ASAP1: variants seen among roughly 807,000 people sequenced by gnomAD.
ASAP1 encodes ArfGAP with SH3 domain, ankyrin repeat and PH domain 1.
A neutral mutation model predicts 145.2 loss-of-function variants in ASAP1; 43 were observed. The observed-to-expected ratio is 0.30, with a 90% CI of 0.23 to 0.38. ASAP1 has a LOEUF of 0.38. ASAP1 is among the 10% of genes least tolerant of loss of function. The probability of loss-of-function intolerance (pLI) is 1.00; values close to 1 mark genes in which losing one functional copy is unlikely to be tolerated. For missense variants in ASAP1, 1,018 were observed against 1,355.3 expected (o/e 0.75, Z 3.91); for synonymous variants, 546 against 515.5 (o/e 1.06, Z -0.80).
Position 130,060,572 on chromosome 8 carries a change from C to T in ASAP1, c.3192+7G>A. ...GTTCCTAAGGGCCTGAACATTGTCC[C>T]ACCCACCGTATTGATTTTTCTGGGC... On this transcript the variant is annotated splice_region_variant and intron_variant, in intron 28 of 29. Transcript: ENST00000518721. 1.2e-6 allele frequency: 2 copies of T among 1,601,780 alleles called. No individual in the cohort carries two copies. Among genetic ancestry groups the T allele is most frequent in the Non-Finnish European group, 1.7e-6 (2 of 1,173,610 alleles).
At chr8:130,264,758 C>G (rs187212096) in intron 3 of ASAP1, among the ~76,000 whole-genome samples, 2 of 152,096 alleles carry the variant, frequency 1.3e-5, no homozygotes, top group Non-Finnish European at 2.9e-5. Flanking sequence ...AGAAACATGC[C>G]GGGTGACAGT....
chr8:130,357,254 TCTGA>T (rs1024926748), intron 3 of ASAP1, among the ~76,000 whole-genome samples: 8 of 151,932 alleles, frequency 5.3e-5, no homozygotes, highest in African/African-American at 1.7e-4. Context: ...AGAGGAGCTG[TCTGA>T]CTGTCGCCTC....
In ASAP1 at chr8:130,329,226, A is replaced by G. The variant is rs937675224; in HGVS notation, c.186+28791T>C. Among the ~76,000 whole-genome samples, 9 of 152,174 alleles carry G rather than the reference A, an allele frequency of 5.9e-5. No individual in the cohort carries two copies. The South Asian group carries it at 1.2e-3, about 21-fold the overall frequency. ...GCGGTTCACTAAGCCACTTAACTAA[A>G]TAAGTTTTCCAGTTCTGTTTCCATC... On this transcript the variant is annotated intron_variant, in intron 3 of 29. Coordinates refer to ENST00000518721, the MANE Select transcript of ASAP1 (RefSeq NM_018482.4).
Position 130,358,816 on chromosome 8 carries a change from C to G in ASAP1, c.60-673G>C, listed in dbSNP as rs1017061384. 2.0e-5 allele frequency among the ~76,000 whole-genome samples: 3 copies of G among 151,132 alleles called. No homozygotes were observed. Among genetic ancestry groups the G allele is most frequent in the African/African-American group, 7.3e-5 (3 of 41,184 alleles). On this transcript the variant is annotated intron_variant, in intron 2 of 29. Coordinates refer to ENST00000518721, the MANE Select transcript of ASAP1 (RefSeq NM_018482.4). The surrounding 1 kb of genome is among the most constrained non-coding windows in gnomAD (Gnocchi z 4.1). Reference sequence around the variant, plus strand: ...CCGAAGCTGCCGCTCCCGACCCCGGCTGCGCGGCACGGGGGCTCCGGAAGC... The same window carrying G: ...CCGAAGCTGCCGCTCCCGACCCCGGGTGCGCGGCACGGGGGCTCCGGAAGC...
At chr8:130,310,268 AG>A (rs1823261902) in intron 3 of ASAP1, among the ~76,000 whole-genome samples, 1 of 152,206 alleles carries the variant, frequency 6.6e-6, no homozygotes, top group Non-Finnish European at 1.5e-5. Context: ...CTCAGACAAC[AG>A]AATTATGAAG....
intron 1 of ASAP1, among the ~76,000 whole-genome samples, chr8:130,417,059 CACAT>C (rs1308747051): frequency 1.3e-5 from 2 of 151,052 alleles, no homozygotes; most frequent in African/African-American, 2.4e-5. Context: ...ACTGCATACA[CACAT>C]ACACACATGC....
intron 5 of ASAP1, among the ~76,000 whole-genome samples, chr8:130,188,957 T>A (rs868482805): frequency 6.6e-6 from 1 of 152,108 alleles, no homozygotes; most frequent in East Asian, 1.9e-4. Flanking sequence ...CCTTTTCACA[T>A]TTTTTTATAG....
chr8:130,145,562 TG>T (rs1408279646), intron 13 of ASAP1, among the ~76,000 whole-genome samples: 1 of 152,124 alleles, frequency 6.6e-6, no homozygotes, highest in Admixed American at 6.6e-5. Context: ...CATGAATGGC[TG>T]AGACAAAATG....
At chr8:130,325,054 A>T (rs929902860) in intron 3 of ASAP1, among the ~76,000 whole-genome samples, 27 of 152,120 alleles carry the variant, frequency 1.8e-4, no homozygotes. Flanking sequence ...TCCTACCCTA[A>T]CCCAAACATG....
At chr8:130,381,698 T>A (rs976923497) in intron 2 of ASAP1, among the ~76,000 whole-genome samples, 1 of 152,224 alleles carries the variant, frequency 6.6e-6, no homozygotes, top group African/African-American at 2.4e-5. Flanking sequence ...AGGCCTTATA[T>A]GACCAGGCCA....
rs115064191 is a variant in ASAP1 at position 130,330,474 on chromosome 8, C to G, written c.186+27543G>C. ...ACCTGGCACCCCACAACCACCACCC[C>G]ATTCACCTGTGAACACCTTTGGGAC... is the stretch of plus-strand genomic sequence containing the variant. On this transcript the variant is annotated intron_variant, in intron 3 of 29. Transcript: ENST00000518721. Among the ~76,000 whole-genome samples, 561 of 152,350 alleles carry G rather than the reference C, an allele frequency of 3.7e-3. 6 individuals carry two copies. The highest frequency in any genetic ancestry group is 0.013 in the African/African-American group (534 of 41,574).
At chr8:130,173,846 G>C (rs1204697461) in intron 9 of ASAP1, among the ~76,000 whole-genome samples, 3 of 151,580 alleles carry the variant, frequency 2.0e-5, no homozygotes, top group African/African-American at 7.3e-5. Flanking sequence ...GCCGAGATGG[G>C]TAGATTGCCT....
intron 3 of ASAP1, among the ~76,000 whole-genome samples, chr8:130,239,626 CA>C (rs1818409882): frequency 6.6e-6 from 1 of 152,040 alleles, no homozygotes; most frequent in African/African-American, 2.4e-5. Flanking sequence ...ATATATAAGA[CA>C]TTTAGATTGC....
At chr8:130,359,530 G>GGAT (rs1826597511) in intron 2 of ASAP1, among the ~76,000 whole-genome samples, 1 of 152,114 alleles carries the variant, frequency 6.6e-6, no homozygotes, top group Non-Finnish European at 1.5e-5. Flanking sequence ...GATAGCCTTA[G>GGAT]GATGGAAGGC....
At chr8:130,364,476 G>T (rs968031675) in intron 2 of ASAP1, among the ~76,000 whole-genome samples, 1 of 152,192 alleles carries the variant, frequency 6.6e-6, no homozygotes, top group African/African-American at 2.4e-5. Flanking sequence ...TCAAGTAGTG[G>T]AGCAGGACTC....
In ASAP1 at chr8:130,052,394, G is replaced by A. The variant is rs1554809914; in HGVS notation, c.*2337C>T. 6.6e-6 allele frequency: 1 copy of A among 152,218 alleles called. No homozygotes were observed. Among genetic ancestry groups the A allele is most frequent in the Non-Finnish European group, 1.5e-5 (1 of 68,016 alleles). 9.4% of individuals were successfully genotyped at this position (152,218 alleles called of 1,614,324 possible). A position where few individuals can be genotyped will look rare whatever the true frequency, so the allele number is the denominator to read the frequency against. On this transcript the variant is annotated 3_prime_UTR_variant, in exon 30 of 30. Transcript: ENST00000518721. ...GCAGAACATAACTTTCCCCTCTGGGGGAAAAAGAACTAATTTGCTATTTTT... is the reference window on the plus strand; with the variant it reads ...GCAGAACATAACTTTCCCCTCTGGGAGAAAAAGAACTAATTTGCTATTTTT...
At chr8:130,061,487 C>G (rs1175770004) in intron 27 of ASAP1, among the ~76,000 whole-genome samples, 2 of 152,106 alleles carry the variant, frequency 1.3e-5, no homozygotes, top group Admixed American at 1.3e-4. Flanking sequence ...ATTTTAGCAA[C>G]AGTATTTGTC....
Position 130,130,277 on chromosome 8 carries a change from T to C in ASAP1, c.1218-2187A>G, listed in dbSNP as rs542021259. ...GATGAGGAAACTGAAGTTATATGAC[T>C]TGCCTAAGGTTCTAGGCTGGATTCT... On this transcript the variant is annotated intron_variant, in intron 15 of 29. Transcript: ENST00000518721. Among the ~76,000 whole-genome samples the C allele has an allele frequency of 2.9e-4, 44 of 152,332 alleles. 1 individual carries two copies. Among genetic ancestry groups the C allele is most frequent in the African/African-American group, 1.1e-3 (44 of 41,580 alleles).
At chr8:130,200,243 T>C (rs888864568) in intron 5 of ASAP1, among the ~76,000 whole-genome samples, 3 of 152,116 alleles carry the variant, frequency 2.0e-5, no homozygotes, top group Non-Finnish European at 4.4e-5. Flanking sequence ...ATGGAAACAA[T>C]AGAAATATTC....
Sources: gnomAD v4.1 joint callset for allele counts (sites outside exome capture counted in the v4.1 genomes callset) on GRCh38, gnomAD v4.1.1 for gene constraint, Gnocchi (gnomAD v3.1) non-coding constraint, MANE v1.5 for transcripts, NCBI Gene and HGNC (gene_info 2026-07-23, HGNC 2026-07-21) for gene names.